The following CCDC30 variants were observed in gnomAD, a reference collection of about 807,000 sequenced individuals.
The protein encoded by CCDC30 is coiled-coil domain containing 30.
A neutral mutation model predicts 100.2 loss-of-function variants in CCDC30; 70 were observed. The ratio of observed to expected loss-of-function variants is 0.70; its 90% confidence interval spans 0.58 to 0.85. CCDC30 has a LOEUF of 0.85. Ranked by LOEUF, CCDC30 falls within the 40% of genes least tolerant of loss-of-function variation. The pLI, the probability that CCDC30 is intolerant of heterozygous loss-of-function variation, is 0.00. For synonymous variants in CCDC30, 233 were observed against 269.5 expected (o/e 0.86, Z 1.33); for missense variants, 652 against 771.2 (o/e 0.85, Z 1.83).
intron 10 of CCDC30, among the ~76,000 whole-genome samples, chr1:42,595,910 G>A (rs373324160): frequency 2.0e-5 from 3 of 152,300 alleles, no homozygotes; most frequent in Admixed American, 6.5e-5. Context: ...TGATTATTGA[G>A]AGATGCCTCT....
chr1:42,655,867 C>CTTTTTTTT (rs766715541), downstream of CCDC30, among the ~76,000 whole-genome samples: 24 of 87,296 alleles, frequency 2.7e-4, no homozygotes, highest in East Asian at 1.1e-3. Flanking sequence ...GCTGTTTTTA[C>CTTTTTTTT]TTTTTTTTTT....
the CCDC30 span, among the ~76,000 whole-genome samples, chr1:42,458,006 C>T: frequency 6.7e-6 from 1 of 150,048 alleles, no homozygotes; most frequent in African/African-American, 2.5e-5. Context: ...AGAGGGTGTA[C>T]GAAGTGGGAA....
the CCDC30 span, chr1:42,456,668 C>G: frequency 6.2e-7 from 1 of 1,601,912 alleles, no homozygotes; most frequent in Non-Finnish European, 8.5e-7. Context: ...CGCGCAGGGC[C>G]GGCGGGTGGT....
intron 3 of CCDC30, among the ~76,000 whole-genome samples, chr1:42,484,551 T>A (rs1281739633): frequency 6.6e-6 from 1 of 152,084 alleles, no homozygotes; most frequent in East Asian, 1.9e-4. Context: ...CCACAGTGAG[T>A]CTATTAGGAC....
At chr1:42,611,280 C>T (rs898522959) in intron 11 of CCDC30, among the ~76,000 whole-genome samples, 190 bp downstream of exon 15, 1 of 152,080 alleles carries the variant, frequency 6.6e-6, no homozygotes, top group African/African-American at 2.4e-5. Context: ...CTAATTTCTT[C>T]TCAAGAGAGG....
At chr1:42,469,712 C>A (rs1643704553) in intron 1 of CCDC30, among the ~76,000 whole-genome samples, 1 of 151,732 alleles carries the variant, frequency 6.6e-6, no homozygotes, top group Non-Finnish European at 1.5e-5. Context: ...GGAAAGAGGA[C>A]AAGATTGGTA....
upstream of CCDC30, among the ~76,000 whole-genome samples, chr1:42,458,886 A>G (rs530864353): frequency 3.3e-5 from 5 of 152,374 alleles, no homozygotes; most frequent in South Asian, 6.2e-4. Context: ...GGAATCTAAT[A>G]GCCATTCTAC....
intron 6 of CCDC30, among the ~76,000 whole-genome samples, chr1:42,519,069 C>A (rs1373863379): frequency 6.6e-6 from 1 of 152,130 alleles, no homozygotes; most frequent in East Asian, 1.9e-4. Flanking sequence ...TTCTGTTAAC[C>A]TGATGTATTA....
At chr1:42,484,132 AT>A (rs370924785) in intron 3 of CCDC30, among the ~76,000 whole-genome samples, 3,506 of 147,218 alleles carry the variant, frequency 0.024, 137 homozygotes, top group African/African-American at 0.085. Flanking sequence ...ACAAATAATA[AT>A]AAAAAAAAGA....
chr1:42,482,544 G>A (rs1052450633), intron 2 of CCDC30, 119 bp from the exon 3 acceptor site: 26 of 536,442 alleles, frequency 4.8e-5, no homozygotes, highest in Non-Finnish European at 7.0e-5. Context: ...CACACACAAA[G>A]AAATACACAT....
At chr1:42,570,325 CA>C (rs1230640664) in intron 7 of CCDC30, among the ~76,000 whole-genome samples, 10 of 139,102 alleles carry the variant, frequency 7.2e-5, no homozygotes, top group South Asian at 2.2e-4. Flanking sequence ...GGCCCTGTCT[CA>C]AAAAAAAAAT....
the CCDC30 span, chr1:42,456,647 G>T: frequency 6.3e-7 from 1 of 1,586,530 alleles, no homozygotes; most frequent in Non-Finnish European, 8.6e-7. Flanking sequence ...TCGCTTCGCG[G>T]CCAGGCTGGG....
At chr1:42,475,903 G>C (rs1020423526) in intron 1 of CCDC30, among the ~76,000 whole-genome samples, 1 of 151,590 alleles carries the variant, frequency 6.6e-6, no homozygotes, top group Non-Finnish European at 1.5e-5. Context: ...TTTTTTCCCA[G>C]CTGAGCCTGA....
chr1:42,624,394 T>G (rs1161342749), intron 11 of CCDC30, among the ~76,000 whole-genome samples: 2 of 152,234 alleles, frequency 1.3e-5, no homozygotes, highest in Non-Finnish European at 2.9e-5. Flanking sequence ...GATTTGTGTA[T>G]GTTGAACCAT....
At chr1:42,640,659 C>T (rs1294898625) in intron 12 of CCDC30, among the ~76,000 whole-genome samples, 1 of 148,990 alleles carries the variant, frequency 6.7e-6, no homozygotes, top group Non-Finnish European at 1.5e-5. Flanking sequence ...TTTGGGAGGC[C>T]GAGGTGGGTG....
intron 6 of CCDC30, among the ~76,000 whole-genome samples, chr1:42,500,849 C>CTT (rs1370766921): frequency 6.6e-6 from 1 of 152,196 alleles, no homozygotes; most frequent in Non-Finnish European, 1.5e-5. Flanking sequence ...TCTTTGGCTT[C>CTT]TTAAAGTGCT....
chr1:42,575,249 G>A (rs966155023), intron 7 of CCDC30, among the ~76,000 whole-genome samples: 8 of 152,162 alleles, frequency 5.3e-5, no homozygotes, highest in East Asian at 1.9e-4. Flanking sequence ...CATTCACTAC[G>A]TTCTGATACT....
chr1:42,502,899 A>G (rs1262616410), intron 6 of CCDC30, among the ~76,000 whole-genome samples: 1 of 152,022 alleles, frequency 6.6e-6, no homozygotes, highest in East Asian at 1.9e-4. Context: ...ATTTTATTGT[A>G]TGGATTTTCT....
intron 6 of CCDC30, among the ~76,000 whole-genome samples, 177 bp from the exon 10 acceptor site, chr1:42,555,979 C>A (rs115275076): frequency 2.1e-3 from 320 of 152,296 alleles, no homozygotes; most frequent in Non-Finnish European, 3.9e-3. Context: ...CATGAACCAC[C>A]ATGCCCGGCC....
Sources: gnomAD v4.1 joint callset for allele counts (sites outside exome capture counted in the v4.1 genomes callset) on GRCh38, gnomAD v4.1.1 for gene constraint, MANE v1.5 for transcripts, NCBI Gene and HGNC (gene_info 2026-07-23, HGNC 2026-07-21) for gene names.